Variants in GLCE observed in about 807,000 individuals in gnomAD.
GLCE encodes the protein glucuronic acid epimerase.
In GLCE, 19 loss-of-function variants were observed where a neutral mutation model predicts 47.9. The observed-to-expected ratio is 0.40, with a 90% CI of 0.28 to 0.58. The LOEUF (loss-of-function observed/expected upper bound fraction) is 0.58, where lower values mean the gene tolerates loss of function less well. Ranked by LOEUF, GLCE falls within the 20% of genes least tolerant of loss-of-function variation. The probability of loss-of-function intolerance (pLI) is 0.48; values close to 1 mark genes in which losing one functional copy is unlikely to be tolerated. For missense variants in GLCE, 556 were observed against 743.3 expected (o/e 0.75, Z 2.93); for synonymous variants, 245 against 263.4 (o/e 0.93, Z 0.68).
At chr15:69,203,208 G>A (rs2052100544) in intron 1 of GLCE, among the ~76,000 whole-genome samples, 1 of 152,114 alleles carries the variant, frequency 6.6e-6, no homozygotes, top group Non-Finnish European at 1.5e-5. Flanking sequence ...CTTTTGAAGA[G>A]AGCTGGAAGT....
chr15:69,166,508 T>C (rs1376972581), intron 1 of GLCE, among the ~76,000 whole-genome samples: 3 of 152,208 alleles, frequency 2.0e-5, no homozygotes, highest in African/African-American at 7.2e-5. Context: ...AACTCCTTCC[T>C]TTAGCATATG....
At chr15:69,246,902 A>G (rs887921396) in intron 2 of GLCE, among the ~76,000 whole-genome samples, 1 of 152,164 alleles carries the variant, frequency 6.6e-6, no homozygotes, top group Admixed American at 6.5e-5. Context: ...TTTTCTGAGC[A>G]GTAGGTCTCA....
intron 1 of GLCE, among the ~76,000 whole-genome samples, chr15:69,173,900 C>T (rs1166085007): frequency 6.6e-6 from 1 of 152,108 alleles, no homozygotes; most frequent in African/African-American, 2.4e-5. Flanking sequence ...CTCTGTCATC[C>T]AGGCTGGTGT....
rs997659829 is a variant in GLCE, at chr15:69,261,088, T to G, written c.588T>G (p.Gly196=). ...DRVKCISGVE[G]VPLSTQWGPQ... ...TCATTTTGTTTCTCTATTTTATAGG[T>G]GTGCCATTATCTACACAATGGGGAC... is the stretch of plus-strand genomic sequence containing the variant. Residue 196 remains glycine (G), a splice_region_variant and synonymous_variant, in exon 4 of 5, where the codon GGT becomes GGG. Transcript: ENST00000261858. 2.5e-6 allele frequency: 4 copies of G among 1,609,886 alleles called. No homozygotes were observed. Among genetic ancestry groups the G allele is most frequent in the Non-Finnish European group, 3.4e-6 (4 of 1,176,634 alleles).
At chr15:69,212,671 G>A (rs2052249339) in intron 2 of GLCE, among the ~76,000 whole-genome samples, 1 of 152,040 alleles carries the variant, frequency 6.6e-6, no homozygotes, top group Non-Finnish European at 1.5e-5. Flanking sequence ...GAGAATGTCA[G>A]CTTTTTAACT....
At chr15:69,222,312 G>A (rs913420660) in intron 2 of GLCE, among the ~76,000 whole-genome samples, 2 of 152,178 alleles carry the variant, frequency 1.3e-5, no homozygotes, top group Non-Finnish European at 2.9e-5. Context: ...TCTGGCAGGG[G>A]CACCATGGGT....
At chr15:69,231,603 A>G (rs983586698) in intron 2 of GLCE, among the ~76,000 whole-genome samples, 2 of 151,660 alleles carry the variant, frequency 1.3e-5, no homozygotes, top group East Asian at 2.0e-4. Flanking sequence ...TAAAAATCAC[A>G]TGTTAAGTGA....
chr15:69,253,008 A>C (rs2140435405), intron 2 of GLCE, among the ~76,000 whole-genome samples: 1 of 152,312 alleles, frequency 6.6e-6, no homozygotes, highest in Non-Finnish European at 1.5e-5. Context: ...AGCAAAATAA[A>C]ATGTTTAAAA....
chr15:69,174,810 G>A (rs901241248), intron 1 of GLCE, among the ~76,000 whole-genome samples: 9 of 151,804 alleles, frequency 5.9e-5, no homozygotes, highest in Admixed American at 3.9e-4. Flanking sequence ...CTTTCTTTAA[G>A]CCCATCTAAA....
chr15:69,189,333 G>A (rs771326378), intron 1 of GLCE, among the ~76,000 whole-genome samples: 5 of 152,174 alleles, frequency 3.3e-5, no homozygotes, highest in African/African-American at 7.2e-5. Context: ...TAATATATAC[G>A]TTTAAGGTTC....
intron 2 of GLCE, among the ~76,000 whole-genome samples, chr15:69,222,517 C>T (rs559732797): frequency 2.0e-5 from 3 of 152,332 alleles, no homozygotes; most frequent in Admixed American, 6.5e-5. Context: ...TTATACAGGT[C>T]AGAGCCACCC....
intron 2 of GLCE, among the ~76,000 whole-genome samples, chr15:69,247,098 C>T (rs375746536): frequency 2.0e-4 from 30 of 152,314 alleles, no homozygotes; most frequent in African/African-American, 7.0e-4. Context: ...TAGCCCCTAA[C>T]GAGAGTCAGC....
intron 1 of GLCE, among the ~76,000 whole-genome samples, chr15:69,199,898 C>T (rs927820674): frequency 6.6e-6 from 1 of 152,134 alleles, no homozygotes; most frequent in Non-Finnish European, 1.5e-5. Flanking sequence ...AATTAGTGTG[C>T]TTGAGGAATT....
At chr15:69,248,488 T>C (rs1429436545) in intron 2 of GLCE, among the ~76,000 whole-genome samples, 2 of 152,230 alleles carry the variant, frequency 1.3e-5, no homozygotes, top group Non-Finnish European at 2.9e-5. Context: ...CTGTTTTTTA[T>C]CTTTTTAATT....
intron 2 of GLCE, among the ~76,000 whole-genome samples, chr15:69,238,502 A>G (rs1179418233): frequency 1.3e-5 from 2 of 152,170 alleles, no homozygotes; most frequent in African/African-American, 2.4e-5. Context: ...TGGTAAAACT[A>G]CTCGTTAAAC....
At chr15:69,173,822 A>G (rs1200186440) in intron 1 of GLCE, among the ~76,000 whole-genome samples, 3 of 152,198 alleles carry the variant, frequency 2.0e-5, no homozygotes, top group African/African-American at 7.2e-5. Context: ...CTTCCTGATA[A>G]TCAAAATCTG....
intron 2 of GLCE, among the ~76,000 whole-genome samples, chr15:69,224,061 A>G (rs537440490): frequency 1.3e-5 from 2 of 152,218 alleles, no homozygotes; most frequent in South Asian, 4.1e-4. Flanking sequence ...TTTTTCAAGG[A>G]CGATTTCTAT....
intron 1 of GLCE, among the ~76,000 whole-genome samples, chr15:69,201,145 T>A (rs531433591): frequency 1.3e-5 from 2 of 152,252 alleles, no homozygotes; most frequent in South Asian, 4.1e-4. Context: ...GTGATGAGAT[T>A]GGGCCTACCT....
chr15:69,242,313 ATATT>A (rs748083926), intron 2 of GLCE, among the ~76,000 whole-genome samples: 29 of 152,002 alleles, frequency 1.9e-4, no homozygotes, highest in Non-Finnish European at 2.8e-4. Context: ...TTCAATTATT[ATATT>A]TATTTTACCA....
Sources: gnomAD v4.1 joint callset for allele counts (sites outside exome capture counted in the v4.1 genomes callset) on GRCh38, gnomAD v4.1.1 for gene constraint, MANE v1.5 for transcripts, NCBI Gene and HGNC (gene_info 2026-07-23, HGNC 2026-07-21) for gene names.